The following PZP variants were observed in gnomAD, a reference collection of about 807,000 sequenced individuals.
PZP encodes PZP alpha-2-macroglobulin like.
PZP carries 150 observed loss-of-function variants against 179.8 expected under a neutral mutation model. The observed-to-expected ratio is 0.83, with a 90% CI of 0.73 to 0.96. PZP has a LOEUF of 0.96. PZP is among the 40% of genes least tolerant of loss of function. The pLI is 0.00. For missense variants in PZP, 1,689 were observed against 1,764.0 expected (o/e 0.96, Z 0.76); for synonymous variants, 624 against 652.3 (o/e 0.96, Z 0.66).
Position 9,164,223 on chromosome 12 carries a change from C to G in PZP, c.2524G>C (p.Ala842Pro), listed in dbSNP as rs776468179. Reference sequence around the variant, plus strand: ...TCTTCTCCCTTTGTATTTTGGGAAGCTAGGAAGGCTGGAGAGGCTTTCAGC... The same window carrying G: ...TCTTCTCCCTTTGTATTTTGGGAAGGTAGGAAGGCTGGAGAGGCTTTCAGC... ...VQLKASPAFL[A>P]SQNTKGEESY... Residue 842 changes from alanine to proline, a missense_variant, in exon 20 of 36, where the codon GCT (alanine) becomes CCT (proline). By Grantham distance (27) the Ala-to-Pro change is conservative. Around this residue, in one of 3 missense-constraint regions of PZP, gnomAD observed 201 missense variants for 284.2 expected, o/e 0.71. Coordinates refer to ENST00000261336, the MANE Select transcript of PZP (RefSeq NM_002864.3). 1.9e-6 allele frequency: 3 copies of G among 1,612,650 alleles called. No homozygotes were observed. Among genetic ancestry groups the G allele is most frequent in the Non-Finnish European group, 2.5e-6 (3 of 1,178,738 alleles).
Position 9,202,734 on chromosome 12 carries a change from C to T in PZP, c.268-50G>A, listed in dbSNP as rs762891605. On this transcript the variant is annotated intron_variant, in intron 2 of 35. Transcript: ENST00000261336. The stretch of plus-strand genomic sequence containing the variant: ...ACTGAGGAACTGTGCAGTCTTCTCC[C>T]TCTGCATTCTTCAGTCATTGCTATT... The T allele has an allele frequency of 3.9e-6, 6 of 1,534,806 alleles. No homozygotes were observed. The African/African-American group carries it at 6.9e-5, about 18-fold the overall frequency.
chr12:9,196,889 T>C, intron 8 of PZP, 123 bp downstream of exon 8: 1 of 844,982 alleles, frequency 1.2e-6, no homozygotes, highest in South Asian at 1.7e-5. Context: ...AGAACAGAAA[T>C]TCGTTTTTTG....
intron 19 of PZP, among the ~76,000 whole-genome samples, chr12:9,164,581 TCTTC>T (rs1215135130): frequency 6.6e-6 from 1 of 152,222 alleles, no homozygotes; most frequent in Non-Finnish European, 1.5e-5. Flanking sequence ...TTTCATAGTT[TCTTC>T]CTTCCTTTCT....
chr12:9,176,205 G>T (rs1175170954), intron 15 of PZP, among the ~76,000 whole-genome samples: 3 of 152,152 alleles, frequency 2.0e-5, no homozygotes, highest in African/African-American at 7.2e-5. Context: ...GCTAACACAG[G>T]AACAGAAAAC....
rs769730187 is a variant in PZP, at chr12:9,157,275, G to A, written c.3450C>T (p.Val1150=). 1.2e-6 allele frequency: 2 copies of A among 1,614,092 alleles called. No homozygotes were observed. The highest frequency in any genetic ancestry group is 1.1e-5 in the South Asian group (1 of 91,076). Reference sequence around the variant, plus strand: ...CATAGGCCAGCAATGCCTTGGTGTAGACATGGCTCCCATGGGTCCCCTCCT... The same window carrying A: ...CATAGGCCAGCAATGCCTTGGTGTAAACATGGCTCCCATGGGTCCCCTCCT... ...VAKEGTHGSH[V]YTKALLAYAF... is the part of the protein sequence containing the mutation. Residue 1150 remains valine (V), a synonymous_variant, in exon 28 of 36, where the codon GTC becomes GTT. Transcript: ENST00000261336.
At position 9,170,737 on chromosome 12, in the gene PZP, A is replaced by G. The variant is rs781702243; in HGVS notation, c.1840-1146T>C. On this transcript the variant is annotated intron_variant, in intron 15 of 35. Coordinates refer to ENST00000261336, the MANE Select transcript of PZP (RefSeq NM_002864.3). This position sits in a 1 kb window ranked among gnomAD's most constrained non-coding sequence, Gnocchi z 4.6. ...ACAGCTGCCTTGCCAGATTGTGATC[A>G]GACTGCTTCTTTAAGTGGGACCCTG... is the stretch of plus-strand genomic sequence containing the variant. Among the ~76,000 whole-genome samples the G allele has an allele frequency of 5.9e-5, 9 of 152,342 alleles. No individual in the cohort carries two copies. In the South Asian group the frequency reaches 1.9e-3, roughly 32 times the overall value.
chr12:9,183,106 TA>T (rs1318938855), intron 13 of PZP, among the ~76,000 whole-genome samples: 2 of 152,246 alleles, frequency 1.3e-5, no homozygotes, highest in African/African-American at 4.8e-5. Context: ...TAATTGATTT[TA>T]TTTTTTTCTT....
intron 13 of PZP, among the ~76,000 whole-genome samples, chr12:9,190,968 GTAAT>G (rs970007018): frequency 1.3e-5 from 2 of 152,094 alleles, no homozygotes; most frequent in Non-Finnish European, 2.9e-5. Flanking sequence ...GAGTAAATCG[GTAAT>G]TAATAACTAT....
At chr12:9,190,090 C>T (rs1943370411) in intron 13 of PZP, among the ~76,000 whole-genome samples, 1 of 152,066 alleles carries the variant, frequency 6.6e-6, no homozygotes, top group Non-Finnish European at 1.5e-5. Flanking sequence ...GTGGCGATTC[C>T]TCAAAGAGCT....
At chr12:9,145,283 GT>G (rs990035715), downstream of PZP, among the ~76,000 whole-genome samples, 3 of 151,724 alleles carry the variant, frequency 2.0e-5, no homozygotes, top group Non-Finnish European at 4.4e-5. Flanking sequence ...GTGTTTTATT[GT>G]TTTTTTGTGT....
chr12:9,180,945 A>T, intron 15 of PZP, 38 bp downstream of exon 15: 1 of 1,587,854 alleles, frequency 6.3e-7, no homozygotes, highest in Non-Finnish European at 8.5e-7. Context: ...AGCCTCTGGA[A>T]TGGCCCTTCC....
chr12:9,156,910 CTATT>C (rs974966856), intron 28 of PZP, among the ~76,000 whole-genome samples: 3 of 151,768 alleles, frequency 2.0e-5, no homozygotes, highest in African/African-American at 4.8e-5. Flanking sequence ...TATTATTTAT[CTATT>C]TATTTATTTA....
rs771101155 is a variant in PZP at position 9,153,311 on chromosome 12, C to T, written c.3807G>A (p.Arg1269=). Residue 1269 remains arginine, a synonymous_variant, in exon 30 of 36, where the codon AGG becomes AGA. Transcript: ENST00000261336. The stretch of plus-strand genomic sequence containing the variant: ...TTCTGGTGAAAGTGGCTGCTCCATA[C>T]CTGGACAGGGCATGGAGAGCCACCA... ...DTVVALHALS[R]YGAATFTRTE... 6.2e-7 allele frequency: 1 copy of T among 1,614,048 alleles called. No homozygotes were observed. Among genetic ancestry groups the T allele is most frequent in the South Asian group, 1.1e-5 (1 of 91,080 alleles).
intron 35 of PZP, among the ~76,000 whole-genome samples, 175 bp downstream of exon 35, chr12:9,149,386 T>C (rs1208831833): frequency 6.6e-6 from 1 of 152,198 alleles, no homozygotes; most frequent in Admixed American, 6.5e-5. Context: ...ATATCTGAAA[T>C]TGGAGAGTCC....
chr12:9,202,320 A>T lies in PZP; in HGVS notation c.479T>A (p.Leu160Gln), dbSNP rs767195932. Reference protein sequence around the residue: ...VDENFRPRNELIPLIYLENPR... With the variant: ...VDENFRPRNEQIPLIYLENPR... ...AAACCACAGATAGTGGATGCTTACC[A>T]GTTCATTTCGAGGGCGAAAATTTTC... The change falls in exon 4 of 36, where the codon CTG (leucine) becomes CAG (glutamine). Residue 160 changes from leucine to glutamine, a missense_variant and splice_region_variant. Transcript: ENST00000261336. The T allele has an allele frequency of 6.2e-7, 1 of 1,612,950 alleles. No individual in the cohort carries two copies.
intron 7 of PZP, among the ~76,000 whole-genome samples, chr12:9,199,752 G>A (rs920688982): frequency 6.6e-6 from 1 of 152,096 alleles, no homozygotes; most frequent in African/African-American, 2.4e-5. Context: ...TGTAGAGGAG[G>A]AAATGGGACA....
Position 9,197,643 on chromosome 12 carries a change from T to TA in PZP, c.756-521dup, listed in dbSNP as rs1943881786. Among the ~76,000 whole-genome samples the TA allele has an allele frequency of 1.3e-3, 32 of 23,898 alleles. 2 individuals are homozygous for TA. The South Asian group carries it at 0.039, about 29-fold the overall frequency. 15.7% of individuals were successfully genotyped at this position (23,898 alleles called of 152,430 possible). A position where few individuals can be genotyped will look rare whatever the true frequency, so the allele number is the denominator to read the frequency against. ...TTATATATTATATTATATATTATAT[T>TA]ATATAATATAATATAAAATTATTAT... On this transcript the variant is annotated intron_variant, in intron 7 of 35. Transcript: ENST00000261336.
chr12:9,157,843 T>C lies in PZP; in HGVS notation c.3295-2A>G, dbSNP rs1428900485. 1 of 1,610,988 alleles carries C rather than the reference T, an allele frequency of 6.2e-7. No individual in the cohort carries two copies. ...GGTCGCTTCATCTTCTACACCTCCCTGTGAATACAACATTGATTTGATTAA... is the reference window on the plus strand; with the variant it reads ...GGTCGCTTCATCTTCTACACCTCCCCGTGAATACAACATTGATTTGATTAA... On this transcript the variant is annotated splice_acceptor_variant, in intron 26 of 35. Coordinates refer to ENST00000261336, the MANE Select transcript of PZP (RefSeq NM_002864.3). LOFTEE classifies it high-confidence loss of function.
the PZP span, among the ~76,000 whole-genome samples, chr12:9,139,561 T>C: frequency 1.3e-5 from 2 of 152,218 alleles, no homozygotes; most frequent in Non-Finnish European, 2.9e-5. Flanking sequence ...TTGCTCCCTA[T>C]TTCTCTTTTC....
Sources: gnomAD v4.1 joint callset for allele counts (sites outside exome capture counted in the v4.1 genomes callset) on GRCh38, gnomAD v4.1.1 for gene constraint, gnomAD v4.1.1 regional missense constraint, Gnocchi (gnomAD v3.1) non-coding constraint, MANE v1.5 for transcripts, NCBI Gene and HGNC (gene_info 2026-07-23, HGNC 2026-07-21) for gene names.